CYFIP2: variants seen among roughly 807,000 people sequenced by gnomAD.
CYFIP2 encodes the protein cytoplasmic FMR1 interacting protein 2.
A neutral mutation model predicts 158.7 loss-of-function variants in CYFIP2; 29 were observed. That is an observed-to-expected ratio of 0.18 (90% CI 0.14 to 0.25). CYFIP2 has a LOEUF of 0.25. Ranked by LOEUF, CYFIP2 falls within the 10% of genes least tolerant of loss-of-function variation. The pLI, the probability that CYFIP2 is intolerant of heterozygous loss-of-function variation, is 1.00. For missense variants in CYFIP2, 852 were observed against 1,639.5 expected, an observed-to-expected ratio of 0.52 and a Z score of 8.29; for synonymous variants, 585 against 617.6, an observed-to-expected ratio of 0.95 and a Z score of 0.78.
chr5:157,318,967 C>T (rs886386199), intron 13 of CYFIP2, among the ~76,000 whole-genome samples: 3 of 152,198 alleles, frequency 2.0e-5, no homozygotes, highest in South Asian at 2.1e-4. Flanking sequence ...ATGCCTCCTA[C>T]ATCTCATTAA....
At chr5:157,358,858 C>A in intron 23 of CYFIP2, 147 bp from the exon 24 acceptor site, 1 of 1,020,370 alleles carries the variant, frequency 9.8e-7, no homozygotes, top group South Asian at 1.5e-5. Flanking sequence ...TCTATGACCA[C>A]CATTTTGCAA....
chr5:157,286,173 C>T (rs1757359629), intron 2 of CYFIP2, among the ~76,000 whole-genome samples: 1 of 151,848 alleles, frequency 6.6e-6, no homozygotes. Context: ...GAAGGTTCGG[C>T]CCATAAACTT....
chr5:157,299,827 G>A (rs1472492020), intron 5 of CYFIP2, among the ~76,000 whole-genome samples: 1 of 152,200 alleles, frequency 6.6e-6, no homozygotes, highest in African/African-American at 2.4e-5. Context: ...ACTGGAACCT[G>A]AGAGGCGGAG....
chr5:157,319,971 T>A (rs1466435491), intron 14 of CYFIP2, 43 bp downstream of exon 14: 2 of 1,600,098 alleles, frequency 1.2e-6, no homozygotes, highest in African/African-American at 2.7e-5. Context: ...GACATAAGCA[T>A]GCCAGGTACC....
intron 23 of CYFIP2, among the ~76,000 whole-genome samples, chr5:157,350,947 A>T (rs1417275792): frequency 1.3e-5 from 2 of 152,212 alleles, no homozygotes; most frequent in Non-Finnish European, 2.9e-5. Flanking sequence ...GTTGGTGTAT[A>T]GCATGAGCCT....
At chr5:157,388,288 G>T (rs1482032422) in intron 28 of CYFIP2, among the ~76,000 whole-genome samples, 1 of 152,156 alleles carries the variant, frequency 6.6e-6, no homozygotes, top group African/African-American at 2.4e-5. Flanking sequence ...TGTCTAGCCA[G>T]CTGCTTATTA....
chr5:157,322,767 C>T (rs987375105), intron 15 of CYFIP2, among the ~76,000 whole-genome samples: 1 of 152,232 alleles, frequency 6.6e-6, no homozygotes, highest in African/African-American at 2.4e-5. Context: ...CGAAGACGAA[C>T]GCGGTTGCTG....
At chr5:157,269,803 A>G (rs1350252435) in intron 1 of CYFIP2, among the ~76,000 whole-genome samples, 2 of 152,240 alleles carry the variant, frequency 1.3e-5, no homozygotes, top group African/African-American at 4.8e-5. Context: ...GATTCTGTCA[A>G]GGCCCCTGGA....
chr5:157,302,877 A>G lies in CYFIP2; in HGVS notation c.653A>G (p.Asn218Ser). 2 of 1,578,368 alleles carry G rather than the reference A, an allele frequency of 1.3e-6. No individual in the cohort carries two copies. The highest frequency in any genetic ancestry group is 1.7e-6 in the Non-Finnish European group (2 of 1,161,626). Reference sequence around the variant, plus strand: ...CTTTCCATGTTCCTGGCCAACCACAACAGGATCACCCAGGTGAGGGCAGAC... The same window carrying G: ...CTTTCCATGTTCCTGGCCAACCACAGCAGGATCACCCAGGTGAGGGCAGAC... ...QNLSMFLANH[N>S]RITQCLHQQL... The change falls in exon 7 of 31, where the codon AAC (asparagine) becomes AGC (serine). Residue 218 changes from asparagine to serine, a missense_variant. Coordinates refer to ENST00000620254, the MANE Select transcript of CYFIP2 (RefSeq NM_001037333.3).
At chr5:157,354,169 A>T (rs1763258585) in intron 23 of CYFIP2, among the ~76,000 whole-genome samples, 1 of 152,200 alleles carries the variant, frequency 6.6e-6, no homozygotes, top group Non-Finnish European at 1.5e-5. Context: ...ACACAGTAAT[A>T]ACATGGCTCT....
chr5:157,302,416 G>C (rs1758838096), intron 6 of CYFIP2, among the ~76,000 whole-genome samples: 1 of 152,198 alleles, frequency 6.6e-6, no homozygotes. Flanking sequence ...TACCTGCACT[G>C]CTTCTCCATA....
At chr5:157,280,146 G>T (rs190795418) in intron 1 of CYFIP2, among the ~76,000 whole-genome samples, 1 of 152,160 alleles carries the variant, frequency 6.6e-6, no homozygotes, top group East Asian at 1.9e-4. Flanking sequence ...ATGTTCAGGG[G>T]TACTATTATG....
chr5:157,289,066 A>T (rs1309337599), intron 3 of CYFIP2, among the ~76,000 whole-genome samples: 1 of 152,184 alleles, frequency 6.6e-6, no homozygotes, highest in Non-Finnish European at 1.5e-5. Context: ...TATCCATTTT[A>T]GGGATGAGAA....
Position 157,285,378 on chromosome 5 carries a change from C to G in CYFIP2, c.17C>G (p.Thr6Ser), listed in dbSNP as rs1757292454. 6.4e-7 allele frequency: 1 copy of G among 1,572,746 alleles called. No individual in the cohort carries two copies. The highest frequency in any genetic ancestry group is 8.6e-7 in the Non-Finnish European group (1 of 1,159,152). ...ACTGCAGCCATGACCACGCACGTCA[C>G]CCTGGAAGATGCCCTGTCCAACGTG... MTTHV[T>S]LEDALSNVDL... Residue 6 changes from threonine to serine, a missense_variant, in exon 2 of 31, where the codon ACC becomes AGC. Coordinates refer to ENST00000620254, the MANE Select transcript of CYFIP2 (RefSeq NM_001037333.3).
At chr5:157,322,807 C>T (rs531598051) in intron 15 of CYFIP2, 106 of 878,186 alleles carry the variant, frequency 1.2e-4, no homozygotes, top group Non-Finnish European at 1.8e-4. Flanking sequence ...AGGTGGCCCC[C>T]GGCAGTCGCG....
intron 26 of CYFIP2, among the ~76,000 whole-genome samples, chr5:157,374,290 C>T (rs978665332): frequency 2.0e-5 from 3 of 152,144 alleles, no homozygotes; most frequent in South Asian, 2.1e-4. Context: ...AAAATGGTAT[C>T]CTTCCTCAGG....
chr5:157,323,939 A>G lies in CYFIP2; in HGVS notation c.1690A>G (p.Met564Val). The G allele has an allele frequency of 6.3e-7, 1 of 1,593,504 alleles. No individual in the cohort carries two copies. The highest frequency in any genetic ancestry group is 8.6e-7 in the Non-Finnish European group (1 of 1,169,060). ...SSTQLYMVRTMLESLIADKSG... is the reference protein window; with the variant it reads ...SSTQLYMVRTVLESLIADKSG... ...TTTCAAGCTGTACATGGTGCGGACC[A>G]TGCTTGAATCACTCATTGCAGACAA... Residue 564 changes from methionine to valine, a missense_variant, in exon 16 of 31, where the codon ATG becomes GTG. Met to Val is a conservative substitution (Grantham distance 21, BLOSUM62 1). This residue lies in a region of CYFIP2 where 167 missense variants were observed against 343.3 expected (regional missense o/e 0.49). Transcript: ENST00000620254.
At chr5:157,286,426 T>A (rs1394200167) in intron 2 of CYFIP2, among the ~76,000 whole-genome samples, 4 of 150,046 alleles carry the variant, frequency 2.7e-5, no homozygotes, top group African/African-American at 9.7e-5. Flanking sequence ...TTTATTGCTT[T>A]GTGAGTTGGC....
At chr5:157,315,321 A>T (rs547288257) in intron 13 of CYFIP2, among the ~76,000 whole-genome samples, 278 of 152,296 alleles carry the variant, frequency 1.8e-3, no homozygotes, top group Non-Finnish European at 3.5e-3. Context: ...ACTGGAAAAA[A>T]AAACGGGCAC....
Sources: allele counts gnomAD v4.1 joint callset (sites outside exome capture counted in the v4.1 genomes callset), GRCh38; gene constraint gnomAD v4.1.1; regional missense constraint gnomAD v4.1.1; transcripts MANE v1.5; gene names NCBI Gene and HGNC (gene_info 2026-07-23, HGNC 2026-07-21).